ZNF66: variants seen among roughly 807,000 people sequenced by gnomAD.
ZNF66 encodes putative zinc finger protein 66.
ZNF66 carries 32 observed loss-of-function variants against 35.2 expected under a neutral mutation model. That is an observed-to-expected ratio of 0.91 (90% CI 0.69 to 1.22). ZNF66 has a LOEUF of 1.22. Ranked by LOEUF, ZNF66 falls within the 50% of genes most tolerant of loss-of-function variation. ZNF66 has a pLI of 0.00. For synonymous variants in ZNF66, 231 were observed against 181.3 expected (o/e 1.27, Z -2.20); for missense variants, 666 against 543.1 (o/e 1.23, Z -2.25).
At position 20,807,750 on chromosome 19, in the gene ZNF66, GTACAGCTCCTGTC is replaced by G. The variant is rs1337120120; in HGVS notation, c.*438_*450del. On this transcript the variant is annotated 3_prime_UTR_variant, in exon 4 of 4. Transcript: ENST00000344519. ...GGGTGGAGCCAAGATGGCTGAATAG[GTACAGCTCCTGTC>G]TACAGCTCCCAGCCTGAGCGACGCA... Among the ~76,000 whole-genome samples, 1 of 152,054 alleles carries G rather than the reference GTACAGCTCCTGTC, an allele frequency of 6.6e-6. No individual in the cohort carries two copies. The highest frequency in any genetic ancestry group is 1.5e-5 in the Non-Finnish European group (1 of 68,020).
chr19:20,793,848 C>A lies in ZNF66; in HGVS notation c.196C>A (p.Gln66Lys), dbSNP rs10413187. The A allele has an allele frequency of 0.098, 115,383 of 1,179,754 alleles. 6,412 individuals carry two copies. Among genetic ancestry groups the A allele is most frequent in the Non-Finnish European group, 0.1 (87,014 of 837,066 alleles). The allele number at this position is 1,179,754 out of a possible 1,614,324, so 73.1% of individuals were successfully genotyped here. A position where few individuals can be genotyped will look rare whatever the true frequency, so the allele number is the denominator to read the frequency against. Residue 66 changes from glutamine (Q) to lysine (K), a missense_variant, in exon 3 of 4, where the codon CAG becomes AAG. Coordinates refer to ENST00000344519, the MANE Select transcript of ZNF66 (RefSeq NM_001355197.2). Reference protein sequence around the residue: ...LEQGKKPSTMQRHEMVANPSV... With the variant: ...LEQGKKPSTMKRHEMVANPSV... ...GCAAGGAAAAAAACCTTCGACTATG[C>A]AGAGACATGAGATGGTAGCCAACCC...
At chr19:20,800,785 CT>C (rs1222239700) in intron 3 of ZNF66, among the ~76,000 whole-genome samples, 2 of 152,070 alleles carry the variant, frequency 1.3e-5, no homozygotes, top group Admixed American at 6.6e-5. Context: ...CCAAATAAAC[CT>C]TTTTTCTTTA....
intron 3 of ZNF66, among the ~76,000 whole-genome samples, chr19:20,794,991 C>T (rs1971377963): frequency 6.6e-6 from 1 of 151,312 alleles, no homozygotes; most frequent in African/African-American, 2.4e-5. Flanking sequence ...CCTGCCTCAG[C>T]CTCCTGAGTA....
At chr19:20,786,155 C>A (rs973508746) in intron 1 of ZNF66, among the ~76,000 whole-genome samples, 4 of 152,178 alleles carry the variant, frequency 2.6e-5, no homozygotes. Flanking sequence ...AGAATTTACT[C>A]TAGAGGGGAC....
intron 1 of ZNF66, among the ~76,000 whole-genome samples, chr19:20,782,921 T>C (rs977665195): frequency 3.9e-5 from 6 of 152,332 alleles, no homozygotes; most frequent in African/African-American, 1.4e-4. Flanking sequence ...ATGAAGTCTT[T>C]GCCAGTTTCT....
intron 3 of ZNF66, among the ~76,000 whole-genome samples, chr19:20,803,214 A>C (rs1247482687): frequency 7.0e-6 from 1 of 142,280 alleles, no homozygotes; most frequent in South Asian, 2.2e-4. Context: ...ATTTGGAGAG[A>C]TAATTATATA....
chr19:20,796,998 G>A (rs1020894657), intron 3 of ZNF66, among the ~76,000 whole-genome samples: 1 of 151,916 alleles, frequency 6.6e-6, no homozygotes, highest in African/African-American at 2.4e-5. Flanking sequence ...TTACAGGCAT[G>A]TGTCACCACC....
intron 3 of ZNF66, among the ~76,000 whole-genome samples, chr19:20,796,189 C>G (rs1008383998): frequency 4.6e-5 from 7 of 151,798 alleles, no homozygotes; most frequent in Admixed American, 3.9e-4. Flanking sequence ...ATGCCTATTT[C>G]TCTCATAAAG....
At chr19:20,801,262 A>G (rs1242032607) in intron 3 of ZNF66, among the ~76,000 whole-genome samples, 2 of 152,106 alleles carry the variant, frequency 1.3e-5, no homozygotes, top group Admixed American at 1.3e-4. Flanking sequence ...AGCATAGTGT[A>G]TGCTTTTTAA....
chr19:20,800,167 C>T (rs948963652), intron 3 of ZNF66, among the ~76,000 whole-genome samples: 6 of 152,158 alleles, frequency 3.9e-5, no homozygotes, highest in African/African-American at 1.4e-4. Context: ...CAGACATGCA[C>T]TACCATGTCT....
At chr19:20,788,440 TGTCACCCAGG>T (rs925847903) in intron 1 of ZNF66, among the ~76,000 whole-genome samples, 2 of 152,148 alleles carry the variant, frequency 1.3e-5, no homozygotes, top group African/African-American at 4.8e-5. Flanking sequence ...ACGGAGTCTG[TGTCACCCAGG>T]CTGGAGTACA....
chr19:20,784,640 A>AC (rs764165890), intron 1 of ZNF66: 1 of 152,140 alleles, frequency 6.6e-6, no homozygotes, highest in South Asian at 2.1e-4. Flanking sequence ...TCAATATAGA[A>AC]CCCCCATTCA....
At chr19:20,784,637 A>G (rs1190130406) in intron 1 of ZNF66, 2 of 152,214 alleles carry the variant, frequency 1.3e-5, no homozygotes, top group African/African-American at 2.4e-5. Flanking sequence ...ATTTCAATAT[A>G]GAACCCCCAT....
chr19:20,808,020 C>G lies in ZNF66; in HGVS notation c.*698C>G, dbSNP rs1971542101. 6.6e-6 allele frequency among the ~76,000 whole-genome samples: 1 copy of G among 152,188 alleles called. No individual in the cohort carries two copies. The highest frequency in any genetic ancestry group is 2.4e-5 in the African/African-American group (1 of 41,446). ...GGGTTACTCCCACCCTAATACTGCG[C>G]AATTCCAATGGGCTTAAAAAATGGC... On this transcript the variant is annotated 3_prime_UTR_variant, in exon 4 of 4. Coordinates refer to ENST00000344519, the MANE Select transcript of ZNF66 (RefSeq NM_001355197.2).
chr19:20,794,974 T>C (rs546376657), intron 3 of ZNF66, among the ~76,000 whole-genome samples: 2 of 147,044 alleles, frequency 1.4e-5, no homozygotes, highest in South Asian at 4.2e-4. Context: ...TGGGCTCAAG[T>C]GGCTCTCCTG....
chr19:20,776,756 G>A (rs1274974271), intron 1 of ZNF66, among the ~76,000 whole-genome samples: 3 of 152,116 alleles, frequency 2.0e-5, no homozygotes, highest in Non-Finnish European at 2.9e-5. Context: ...GCTGACTCGC[G>A]GTGCGGGTTC....
At chr19:20,785,105 T>A (rs1399509987) in intron 1 of ZNF66, 2 of 152,236 alleles carry the variant, frequency 1.3e-5, no homozygotes, top group South Asian at 4.1e-4. Flanking sequence ...TGTGAAGATA[T>A]GATTCTACCC....
intron 1 of ZNF66, among the ~76,000 whole-genome samples, chr19:20,790,020 G>A (rs1037526247): frequency 9.2e-5 from 14 of 152,148 alleles, no homozygotes; most frequent in African/African-American, 2.9e-4. Context: ...TCTAACTAAT[G>A]TAAATAATGC....
intron 1 of ZNF66, among the ~76,000 whole-genome samples, chr19:20,788,695 G>A (rs56015102): frequency 0.094 from 14,289 of 151,966 alleles, 681 homozygotes; most frequent in Middle Eastern, 0.11. Flanking sequence ...GAGCCACCAC[G>A]CCTGGCCATA....
Sources: allele counts gnomAD v4.1 joint callset (sites outside exome capture counted in the v4.1 genomes callset), GRCh38; gene constraint gnomAD v4.1.1; transcripts MANE v1.5; gene names NCBI Gene and HGNC (gene_info 2026-07-23, HGNC 2026-07-21).